The following TLE2 variants were observed in gnomAD, a reference collection of about 807,000 sequenced individuals.
TLE2 encodes the protein transducin-like enhancer protein 2.
Under a neutral mutation model 97.2 loss-of-function variants are expected in TLE2, and 74 were observed. The observed-to-expected ratio is 0.76, with a 90% CI of 0.63 to 0.92. The LOEUF is 0.92. Ranked by LOEUF, TLE2 falls within the 40% of genes least tolerant of loss-of-function variation. The pLI, the probability that TLE2 is intolerant of heterozygous loss-of-function variation, is 0.00. For synonymous variants in TLE2, 499 were observed against 432.1 expected, an observed-to-expected ratio of 1.15 and a Z score of -1.92; for missense variants, 1,038 against 1,008.7, an observed-to-expected ratio of 1.03 and a Z score of -0.39.
upstream of TLE2, among the ~76,000 whole-genome samples, chr19:3,047,042 CCCCTCCCTCTCCCTCCCCT>C (rs1392255692): frequency 1.6e-5 from 1 of 62,100 alleles, no homozygotes; most frequent in African/African-American, 6.8e-5. Flanking sequence ...TCTCCCCACG[CCCCTCCCTCTCCCTCCCCT>C]CCCTCCCCCT....
rs760091735 is a variant in TLE2 at position 3,008,848 on chromosome 19, GA to G, written c.1250+20del. On this transcript the variant is annotated intron_variant, in intron 14 of 19. Coordinates refer to ENST00000262953, the MANE Select transcript of TLE2 (RefSeq NM_003260.5). ...GGGCTGGCCCGGGACCCCAGGCAGGGAGCCCCACCCTGGTACTCACGGCTTT... is the reference window on the plus strand; with the variant it reads ...GGGCTGGCCCGGGACCCCAGGCAGGGGCCCCACCCTGGTACTCACGGCTTT... 6.5e-7 allele frequency: 1 copy of G among 1,531,934 alleles called. No homozygotes were observed. Among genetic ancestry groups the G allele is most frequent in the South Asian group, 1.2e-5 (1 of 80,570 alleles). The allele number at this position is 1,531,934 out of a possible 1,614,324, so 94.9% of individuals were successfully genotyped here.
In TLE2 at chr19:3,019,614, C is replaced by T. The variant is rs2145180743; in HGVS notation, c.369+85G>A. 6.5e-7 allele frequency: 1 copy of T among 1,542,674 alleles called. No individual in the cohort carries two copies. The highest frequency in any genetic ancestry group is 1.4e-5 in the African/African-American group (1 of 73,304). The stretch of plus-strand genomic sequence containing the variant: ...ACTGGAGCCAAGGCCCACACACCAC[C>T]CCAGCTTTAACACCTCCTGGGTGGG... On this transcript the variant is annotated intron_variant, in intron 6 of 19. Coordinates refer to ENST00000262953, the MANE Select transcript of TLE2 (RefSeq NM_003260.5). The surrounding 1 kb of genome is among the most constrained non-coding windows in gnomAD (Gnocchi z 5.1).
intron 1 of TLE2, among the ~76,000 whole-genome samples, chr19:3,037,547 G>A (rs551966294): frequency 7.9e-5 from 12 of 152,244 alleles, no homozygotes; most frequent in African/African-American, 2.4e-4. Context: ...TACCCCCTAG[G>A]GTTAGAAGGC....
chr19:3,045,081 G>T (rs1237374270), intron 1 of TLE2, among the ~76,000 whole-genome samples: 1 of 152,178 alleles, frequency 6.6e-6, no homozygotes, highest in Non-Finnish European at 1.5e-5. Flanking sequence ...GGATGTGGTG[G>T]TGTGTGCCTG....
intron 10 of TLE2, 136 bp downstream of exon 10, chr19:3,014,434 G>T (rs1048926065): frequency 4.0e-6 from 3 of 758,584 alleles, no homozygotes; most frequent in Middle Eastern, 3.2e-4. Flanking sequence ...AGTCCCTGAC[G>T]CTTCCTGACC....
chr19:3,024,876 G>T, intron 5 of TLE2, 144 bp downstream of exon 5: 1 of 689,174 alleles, frequency 1.5e-6, no homozygotes, highest in Non-Finnish European at 2.4e-6. Flanking sequence ...CAGGGCTGCG[G>T]GACTACTGCA....
At chr19:3,000,819 T>G in intron 18 of TLE2, 96 bp from the exon 19 acceptor site, 6 of 658,546 alleles carry the variant, frequency 9.1e-6, no homozygotes, top group South Asian at 3.9e-5. Flanking sequence ...GGGTCTGGCC[T>G]CTCCCTTTTT....
intron 8 of TLE2, among the ~76,000 whole-genome samples, chr19:3,016,082 G>A (rs1028084194): frequency 3.3e-5 from 5 of 151,428 alleles, no homozygotes; most frequent in East Asian, 2.0e-4. Flanking sequence ...GATTACAGGC[G>A]CCACCACCAC....
chr19:3,025,209 A>G, intron 4 of TLE2, 127 bp from the exon 5 acceptor site: 1 of 1,112,732 alleles, frequency 9.0e-7, no homozygotes, highest in Non-Finnish European at 1.3e-6. Context: ...AGGTGCACAG[A>G]GGGAACTCAG....
chr19:3,014,543 G>T, intron 10 of TLE2, 27 bp downstream of exon 10: 1 of 1,554,906 alleles, frequency 6.4e-7, no homozygotes. Context: ...CCCAGAGTCG[G>T]GGAAGAGGCT....
At chr19:3,014,120 A>G (rs2089653159) in intron 10 of TLE2, among the ~76,000 whole-genome samples, 1 of 151,946 alleles carries the variant, frequency 6.6e-6, no homozygotes, top group African/African-American at 2.4e-5. Context: ...AGGTTTCACC[A>G]TGTTGGTCAG....
intron 14 of TLE2, among the ~76,000 whole-genome samples, chr19:3,007,089 G>A (rs1395241334): frequency 7.0e-6 from 1 of 141,940 alleles, no homozygotes; most frequent in Non-Finnish European, 1.5e-5. Flanking sequence ...CCAGCCTGAT[G>A]CGTTTGTTTC....
Position 3,000,720 on chromosome 19 carries a change from C to A in TLE2, c.2051G>T (p.Arg684Leu), listed in dbSNP as rs1421186102. The change falls in exon 19 of 20, where the codon CGG becomes CTG. Residue 684 changes from arginine to leucine, a missense_variant. Transcript: ENST00000262953. Reference protein sequence around the residue: ...VLSLKFASCGRWFVSTGKDNL... With the variant: ...VLSLKFASCGLWFVSTGKDNL... ...GTCCTTCCCGGTGCTCACAAACCAC[C>A]GTCCTTGGGGAAGGAGAGCAGCAGG... 2.5e-6 allele frequency: 4 copies of A among 1,583,350 alleles called. No individual in the cohort carries two copies. Among genetic ancestry groups the A allele is most frequent in the Admixed American group, 1.8e-5 (1 of 55,136 alleles).
At chr19:3,010,777 T>C (rs2089578134) in intron 12 of TLE2, among the ~76,000 whole-genome samples, 1 of 152,070 alleles carries the variant, frequency 6.6e-6, no homozygotes, top group Non-Finnish European at 1.5e-5. Flanking sequence ...GTCTTTCCAG[T>C]GCACTAGGCT....
At chr19:3,024,856 T>TGCCTGGCCTCAGGGCTGCGGGAC (rs1421842476) in intron 5 of TLE2, among the ~76,000 whole-genome samples, 164 bp downstream of exon 5, 1 of 152,208 alleles carries the variant, frequency 6.6e-6, no homozygotes, top group Admixed American at 6.5e-5. Context: ...CCCAGCGGGA[T>TGCCTGGCCTCAGGGCTGCGGGAC]GCCTGGCCTC....
chr19:3,035,417 G>A (rs1274671570), intron 1 of TLE2, among the ~76,000 whole-genome samples: 1 of 152,028 alleles, frequency 6.6e-6, no homozygotes, highest in Non-Finnish European at 1.5e-5. Context: ...TGCACCATCA[G>A]GGAAGAAGCT....
chr19:3,032,097 A>T (rs2090029486), upstream of TLE2, among the ~76,000 whole-genome samples: 1 of 151,274 alleles, frequency 6.6e-6, no homozygotes, highest in African/African-American at 2.4e-5. This position sits in a 1 kb window ranked among gnomAD's most constrained non-coding sequence, Gnocchi z 4.1. Flanking sequence ...TGCCCAGCTA[A>T]TTTTTTTTGT....
chr19:3,011,036 G>A lies in TLE2; in HGVS notation c.998C>T (p.Ser333Phe), dbSNP rs900530913. 1 of 1,606,872 alleles carries A rather than the reference G, an allele frequency of 6.2e-7. No homozygotes were observed. Among genetic ancestry groups the A allele is most frequent in the Non-Finnish European group, 8.5e-7 (1 of 1,177,742 alleles). ...LCQLAAKPAP[S>F]TDSVALRSPL... The stretch of plus-strand genomic sequence containing the variant: ...AAGGTGCTCACCGACGCTGTCCGTG[G>A]AAGGTGCTGGCTTGGCAGCAAGCTG... The change falls in exon 12 of 20, where the codon TCC becomes TTC. Residue 333 changes from serine to phenylalanine, a missense_variant. By Grantham distance (155) the Ser-to-Phe change is radical. Coordinates refer to ENST00000262953, the MANE Select transcript of TLE2 (RefSeq NM_003260.5).
intron 9 of TLE2, 32 bp downstream of exon 9, chr19:3,015,621 C>T (rs775360676): frequency 1.3e-6 from 2 of 1,544,984 alleles, no homozygotes; most frequent in East Asian, 2.3e-5. Flanking sequence ...GCCATGCACG[C>T]CCATCCCAGT....
Sources: gnomAD v4.1 joint callset for allele counts (sites outside exome capture counted in the v4.1 genomes callset) on GRCh38, gnomAD v4.1.1 for gene constraint, Gnocchi (gnomAD v3.1) non-coding constraint, MANE v1.5 for transcripts, NCBI Gene and HGNC (gene_info 2026-07-23, HGNC 2026-07-21) for gene names.